LRRC7: variants seen among roughly 807,000 people sequenced by gnomAD.
LRRC7 encodes leucine-rich repeat-containing protein 7.
In LRRC7, 23 loss-of-function variants were observed where a neutral mutation model predicts 175.7. The ratio of observed to expected loss-of-function variants is 0.13; its 90% CI spans 0.09 to 0.19. The LOEUF (loss-of-function observed/expected upper bound fraction) is 0.19. LRRC7 is among the 10% of genes least tolerant of loss of function. LRRC7 has a pLI of 1.00. For missense variants in LRRC7, 1,354 were observed against 1,904.7 expected (o/e 0.71, Z 5.38); for synonymous variants, 685 against 680.9 (o/e 1.01, Z -0.09).
chr1:69,996,751 G>C (rs1272670104), intron 11 of LRRC7, among the ~76,000 whole-genome samples: 1 of 152,006 alleles, frequency 6.6e-6, no homozygotes, highest in African/African-American at 2.4e-5. Flanking sequence ...CTGTTCCGTT[G>C]ATCTATATCT....
At position 69,872,061 on chromosome 1, in the gene LRRC7, T is replaced by C. The variant is rs1570436371; in HGVS notation, c.647+33778T>C. On this transcript the variant is annotated intron_variant, in intron 7 of 26. Transcript: ENST00000651989. ...TATATTTTCATTTTTTAATGGAAAA[T>C]ATACAAGTCTCTTTAGATGGATCAA... is the stretch of plus-strand genomic sequence containing the variant. Among the ~76,000 whole-genome samples the C allele has an allele frequency of 3.3e-5, 5 of 151,994 alleles. No individual in the cohort carries two copies. The South Asian group carries it at 8.3e-4, about 25-fold the overall frequency.
At chr1:69,608,899 T>TATATAC (rs1553124965) in intron 1 of LRRC7, among the ~76,000 whole-genome samples, 1 of 123,758 alleles carries the variant, frequency 8.1e-6, no homozygotes, top group African/African-American at 3.1e-5. Context: ...TATATATATA[T>TATATAC]ACACACACAC....
chr1:69,969,271 C>G (rs535392404), intron 8 of LRRC7, among the ~76,000 whole-genome samples: 1 of 152,062 alleles, frequency 6.6e-6, no homozygotes, highest in Admixed American at 6.5e-5. Context: ...TGGAGTGGTA[C>G]CTCACATCTC....
chr1:69,812,221 C>G (rs1032588321), intron 4 of LRRC7, among the ~76,000 whole-genome samples: 1 of 152,064 alleles, frequency 6.6e-6, no homozygotes, highest in Non-Finnish European at 1.5e-5. Context: ...AATGCTGCAT[C>G]GCCAGTCTTG....
intron 7 of LRRC7, among the ~76,000 whole-genome samples, chr1:69,925,923 G>C (rs28885492): frequency 0.35 from 41,661 of 119,768 alleles, 8,362 homozygotes; most frequent in Middle Eastern, 0.51. Flanking sequence ...TTCCTGCTTT[G>C]TCTTGTGGGC....
intron 4 of LRRC7, among the ~76,000 whole-genome samples, chr1:69,794,968 C>T (rs1468627727): frequency 2.0e-5 from 3 of 152,160 alleles, no homozygotes; most frequent in Non-Finnish European, 2.9e-5. Context: ...GATGGCGAAC[C>T]ACTCTGCAAT....
At chr1:69,909,711 C>A (rs1227731545) in intron 7 of LRRC7, among the ~76,000 whole-genome samples, 4 of 151,908 alleles carry the variant, frequency 2.6e-5, no homozygotes, top group Admixed American at 2.6e-4. Flanking sequence ...ACATTTTTTC[C>A]TTCATTTCAA....
At chr1:70,075,932 A>T in intron 23 of LRRC7, 145 bp from the exon 24 acceptor site, 1 of 758,828 alleles carries the variant, frequency 1.3e-6, no homozygotes, top group South Asian at 1.8e-5. Context: ...GCAGACCCTT[A>T]CTGTTTCTTC....
chr1:69,626,371 T>G, intron 1 of LRRC7, among the ~76,000 whole-genome samples: 1 of 140,038 alleles, frequency 7.1e-6, no homozygotes. Flanking sequence ...CTCTGATGCA[T>G]TTACTTAGAA....
intron 2 of LRRC7, among the ~76,000 whole-genome samples, chr1:69,756,267 T>A (rs957872292): frequency 2.0e-5 from 3 of 151,878 alleles, no homozygotes; most frequent in African/African-American, 7.2e-5. Context: ...AAAAAATATT[T>A]GAATTGTAGG....
rs560259630 is a variant in LRRC7 at position 70,070,317 on chromosome 1, C to A, written c.4231-5760C>A. Among the ~76,000 whole-genome samples, 10 of 152,236 alleles carry A rather than the reference C, an allele frequency of 6.6e-5. No individual in the cohort carries two copies. In the South Asian group the frequency reaches 1.7e-3, roughly 25 times the overall value. On this transcript the variant is annotated intron_variant, in intron 23 of 26. Transcript: ENST00000651989. ...GGATCTTTGCTGAGACTTTATATTTCTTTGCTGACGATTTCTAGTTTTTCA... is the reference window on the plus strand; with the variant it reads ...GGATCTTTGCTGAGACTTTATATTTATTTGCTGACGATTTCTAGTTTTTCA...
chr1:69,646,158 C>T (rs778561148), intron 1 of LRRC7, among the ~76,000 whole-genome samples: 3 of 151,622 alleles, frequency 2.0e-5, no homozygotes, highest in African/African-American at 4.8e-5. Flanking sequence ...TAATACATGC[C>T]GTATGTTTTT....
intron 7 of LRRC7, among the ~76,000 whole-genome samples, chr1:69,906,564 G>T (rs943619952): frequency 6.6e-6 from 1 of 152,052 alleles, no homozygotes; most frequent in Non-Finnish European, 1.5e-5. Context: ...AAGATCAGAT[G>T]GTTGTAGATA....
intron 7 of LRRC7, among the ~76,000 whole-genome samples, chr1:69,928,221 G>T (rs555559624): frequency 1.3e-5 from 2 of 152,262 alleles, no homozygotes; most frequent in Non-Finnish European, 2.9e-5. Flanking sequence ...CCTACTGTGG[G>T]GTGCCTCCCA....
intron 25 of LRRC7, among the ~76,000 whole-genome samples, chr1:70,106,685 G>A (rs1003420933): frequency 3.3e-5 from 5 of 152,146 alleles, no homozygotes; most frequent in South Asian, 2.1e-4. Flanking sequence ...CCTCTGCTGC[G>A]CTCCCAATCC....
intron 1 of LRRC7, among the ~76,000 whole-genome samples, chr1:69,608,860 CTCTCTCTATATA>C (rs56758214): frequency 0.028 from 649 of 23,202 alleles, no homozygotes; most frequent in Middle Eastern, 0.047. Context: ...CTCTCTCTCT[CTCTCTCTATATA>C]TATATATATA....
At chr1:69,606,675 A>G (rs149333670) in intron 1 of LRRC7, among the ~76,000 whole-genome samples, 2 of 152,086 alleles carry the variant, frequency 1.3e-5, no homozygotes, top group African/African-American at 4.8e-5. Context: ...TATACTTTTG[A>G]TGAAGTGTTC....
At chr1:69,633,215 T>C (rs1264656279) in intron 1 of LRRC7, among the ~76,000 whole-genome samples, 1 of 152,046 alleles carries the variant, frequency 6.6e-6, no homozygotes, top group East Asian at 1.9e-4. Flanking sequence ...AATGCTTTCT[T>C]AAAAAATGAG....
rs562895348 is a variant in LRRC7, at chr1:69,709,122, C to G, written c.100+30644C>G. Among the ~76,000 whole-genome samples, 5 of 152,274 alleles carry G rather than the reference C, an allele frequency of 3.3e-5. No individual in the cohort carries two copies. The South Asian group carries it at 1.0e-3, about 32-fold the overall frequency. On this transcript the variant is annotated intron_variant, in intron 2 of 26. Transcript: ENST00000651989. ...ATTAGTGTCTGTCTTGCTCATGAAACTTTGTATTAGACAGGAAAGAATAGA... is the reference window on the plus strand; with the variant it reads ...ATTAGTGTCTGTCTTGCTCATGAAAGTTTGTATTAGACAGGAAAGAATAGA...
Sources: allele counts gnomAD v4.1 joint callset (sites outside exome capture counted in the v4.1 genomes callset), GRCh38; gene constraint gnomAD v4.1.1; transcripts MANE v1.5; gene names NCBI Gene and HGNC (gene_info 2026-07-23, HGNC 2026-07-21).